Variants in GREM2 observed in about 807,000 individuals in gnomAD.
GREM2 encodes the protein gremlin 2, DAN family BMP antagonist.
Under a neutral mutation model 14.2 loss-of-function variants are expected in GREM2, and 11 were observed. The ratio of observed to expected loss-of-function variants is 0.78; its 90% CI spans 0.49 to 1.28. The LOEUF (loss-of-function observed/expected upper bound fraction) is 1.28. Among genes scored for constraint, GREM2 ranks in the 50% most tolerant of loss-of-function variants. The pLI is 0.00. For synonymous variants in GREM2, 98 were observed against 97.6 expected, an observed-to-expected ratio of 1.00 and a Z score of -0.02; for missense variants, 210 against 218.5, an observed-to-expected ratio of 0.96 and a Z score of 0.24.
chr1:240,531,934 A>G lies in GREM2; in HGVS notation c.-1-38458T>C, dbSNP rs879407717. 4.9e-4 allele frequency among the ~76,000 whole-genome samples: 75 copies of G among 151,936 alleles called. 1 individual carries two copies. The highest frequency in any genetic ancestry group is 9.1e-4 in the Non-Finnish European group (62 of 67,994). ...AGTTTCTTCAATCCAAACAATTGGAAACGATAGCCATTGGTAGACACTTTG... is the reference window on the plus strand; with the variant it reads ...AGTTTCTTCAATCCAAACAATTGGAGACGATAGCCATTGGTAGACACTTTG... On this transcript the variant is annotated intron_variant, in intron 1 of 1. Coordinates refer to ENST00000318160, the MANE Select transcript of GREM2 (RefSeq NM_022469.4).
Position 240,543,197 on chromosome 1 carries a change from C to T in GREM2, c.-1-49721G>A, listed in dbSNP as rs1185521492. 5.3e-5 allele frequency among the ~76,000 whole-genome samples: 8 copies of T among 152,216 alleles called. No individual in the cohort carries two copies. The highest frequency in any genetic ancestry group is 8.8e-5 in the Non-Finnish European group (6 of 68,040). On this transcript the variant is annotated intron_variant, in intron 1 of 1. Coordinates refer to ENST00000318160, the MANE Select transcript of GREM2 (RefSeq NM_022469.4). The surrounding 1 kb of genome is among the most constrained non-coding windows in gnomAD (Gnocchi z 6.4). ...CAGGCTTGCTTCACTGAAGACTGCT[C>T]TACGGCCTAGGACAGTAATCAGAGA...
At chr1:240,528,180 G>T (rs1181700513) in intron 1 of GREM2, among the ~76,000 whole-genome samples, 1 of 152,182 alleles carries the variant, frequency 6.6e-6, no homozygotes, top group Non-Finnish European at 1.5e-5. Context: ...GGTCACAGAA[G>T]TTTGAGCTCC....
chr1:240,521,441 G>T (rs1298701812), intron 1 of GREM2, among the ~76,000 whole-genome samples: 1 of 151,498 alleles, frequency 6.6e-6, no homozygotes, highest in East Asian at 2.0e-4. Context: ...CATGGTGAGG[G>T]GCGACTGTAG....
At chr1:240,511,568 C>T (rs541783047) in intron 1 of GREM2, among the ~76,000 whole-genome samples, 102 of 152,164 alleles carry the variant, frequency 6.7e-4, no homozygotes, top group African/African-American at 2.3e-3. Flanking sequence ...CTGGCCAACA[C>T]GGTGAAACCC....
At chr1:240,586,634 C>T (rs1679604370) in intron 1 of GREM2, among the ~76,000 whole-genome samples, 1 of 152,154 alleles carries the variant, frequency 6.6e-6, no homozygotes. Context: ...CAGAAATCTG[C>T]AAATAACCAA....
chr1:240,561,169 T>C (rs1679028836), intron 1 of GREM2, among the ~76,000 whole-genome samples: 1 of 152,194 alleles, frequency 6.6e-6, no homozygotes, highest in African/African-American at 2.4e-5. Context: ...CAGGTTCTAC[T>C]TGTGGTTTGT....
intron 1 of GREM2, among the ~76,000 whole-genome samples, chr1:240,611,356 A>T (rs1297875190): frequency 3.9e-5 from 6 of 152,096 alleles, no homozygotes. Flanking sequence ...TCCTTCAACC[A>T]CAGCGTAGTG....
intron 1 of GREM2, among the ~76,000 whole-genome samples, chr1:240,511,023 C>A (rs1015635312): frequency 1.3e-5 from 2 of 152,176 alleles, no homozygotes; most frequent in Non-Finnish European, 2.9e-5. Context: ...TAATCTAACA[C>A]GTATATGTGT....
chr1:240,503,031 G>C (rs1677603487), intron 1 of GREM2, among the ~76,000 whole-genome samples: 1 of 152,196 alleles, frequency 6.6e-6, no homozygotes, highest in African/African-American at 2.4e-5. Context: ...GGTTAGGCAA[G>C]GATGTGATGA....
intron 1 of GREM2, among the ~76,000 whole-genome samples, chr1:240,610,665 C>G (rs1048122002): frequency 1.3e-5 from 2 of 152,142 alleles, no homozygotes; most frequent in African/African-American, 4.8e-5. Flanking sequence ...GAGTCGATTG[C>G]GAATTATCAG....
chr1:240,545,081 G>C (rs12130002), intron 1 of GREM2, among the ~76,000 whole-genome samples: 39,080 of 152,092 alleles, frequency 0.26, 5,299 homozygotes, highest in East Asian at 0.37. Context: ...CTGATGGCTG[G>C]AGGCTCCCAG....
At chr1:240,554,280 G>A (rs1294744982) in intron 1 of GREM2, among the ~76,000 whole-genome samples, 1 of 151,648 alleles carries the variant, frequency 6.6e-6, no homozygotes, top group Non-Finnish European at 1.5e-5. Context: ...GTGTGGTAGC[G>A]GGAGCCGGTA....
rs979090400 is a variant in GREM2 at position 240,609,328 on chromosome 1, G to A, written c.-2+2556C>T. Among the ~76,000 whole-genome samples, 3 of 152,054 alleles carry A rather than the reference G, an allele frequency of 2.0e-5. No homozygotes were observed. In the East Asian group the frequency reaches 5.8e-4, roughly 30 times the overall value. On this transcript the variant is annotated intron_variant, in intron 1 of 1. Coordinates refer to ENST00000318160, the MANE Select transcript of GREM2 (RefSeq NM_022469.4). ...GACATCTTTCCAACTGGAAGTGGTGGTGATGGGAAATCTGCTCAAGTCATT... is the reference window on the plus strand; with the variant it reads ...GACATCTTTCCAACTGGAAGTGGTGATGATGGGAAATCTGCTCAAGTCATT...
intron 1 of GREM2, among the ~76,000 whole-genome samples, chr1:240,600,935 T>C (rs1056452003): frequency 1.3e-5 from 2 of 152,238 alleles, no homozygotes; most frequent in African/African-American, 4.8e-5. Flanking sequence ...AGTGCTTGAT[T>C]AGCTCTTCCT....
At chr1:240,520,668 A>G (rs1678064265) in intron 1 of GREM2, among the ~76,000 whole-genome samples, 2 of 151,690 alleles carry the variant, frequency 1.3e-5, no homozygotes, top group South Asian at 4.2e-4. Flanking sequence ...TCAGCCTCCC[A>G]AGTAGCTGGG....
Position 240,493,101 on chromosome 1 carries a change from G to A in GREM2, c.375C>T (p.Pro125=). 5 of 1,614,088 alleles carry A rather than the reference G, an allele frequency of 3.1e-6. No homozygotes were observed. The highest frequency in any genetic ancestry group is 1.1e-5 in the South Asian group (1 of 91,080). The change falls in exon 2 of 2, where the codon CCC becomes CCT. Residue 125 remains proline (P), a synonymous_variant. Transcript: ENST00000318160. ...ESFQSCAFCK[P]QRVTSVLVEL... ...CCACGAGGACGGAGGTGACGCGCTG[G>A]GGCTTGCAGAAGGCGCAGGACTGGA... is the stretch of plus-strand genomic sequence containing the variant.
intron 1 of GREM2, among the ~76,000 whole-genome samples, chr1:240,511,983 A>T (rs1677844409): frequency 6.6e-6 from 1 of 152,224 alleles, no homozygotes; most frequent in Admixed American, 6.5e-5. Context: ...AGGAGCTGGC[A>T]GACCAGGCAG....
intron 1 of GREM2, among the ~76,000 whole-genome samples, chr1:240,582,205 A>C (rs1211939387): frequency 6.6e-6 from 1 of 152,224 alleles, no homozygotes; most frequent in Admixed American, 6.5e-5. Flanking sequence ...TGGGAGGCCA[A>C]GGCGGGTGGA....
chr1:240,531,785 T>C (rs1032955565), intron 1 of GREM2: 2 of 602,020 alleles, frequency 3.3e-6, no homozygotes, highest in Non-Finnish European at 4.2e-6. Flanking sequence ...CTCGGCTCAC[T>C]GCAACCTCCG....
Sources: allele counts gnomAD v4.1 joint callset (sites outside exome capture counted in the v4.1 genomes callset), GRCh38; gene constraint gnomAD v4.1.1; non-coding constraint Gnocchi (gnomAD v3.1); transcripts MANE v1.5; gene names NCBI Gene and HGNC (gene_info 2026-07-23, HGNC 2026-07-21).